The following TGM3 variants were observed in gnomAD, a reference collection of about 807,000 sequenced individuals.
TGM3 encodes the protein transglutaminase 3, also known as protein-glutamine gamma-glutamyltransferase E.
TGM3 carries 52 observed loss-of-function variants against 73.8 expected under a neutral mutation model. The observed-to-expected ratio is 0.70, with a 90% confidence interval of 0.56 to 0.89. The LOEUF is 0.89. TGM3 is among the 40% of genes least tolerant of loss of function. TGM3 has a pLI of 0.00. For synonymous variants in TGM3, 372 were observed against 354.9 expected (o/e 1.05, Z -0.54); for missense variants, 928 against 909.9 (o/e 1.02, Z -0.26).
intron 7 of TGM3, among the ~76,000 whole-genome samples, chr20:2,323,157 A>G (rs1034048069): frequency 9.2e-5 from 14 of 152,208 alleles, no homozygotes; most frequent in African/African-American, 3.4e-4. Context: ...TGTTGCACCC[A>G]TCTCCTGAGC....
chr20:2,330,058 AG>A (rs2084312048), intron 9 of TGM3, among the ~76,000 whole-genome samples: 1 of 151,290 alleles, frequency 6.6e-6, no homozygotes, highest in Non-Finnish European at 1.5e-5. Flanking sequence ...GGGGTGGGGG[AG>A]GGGGTCCCTG....
In TGM3 at chr20:2,339,889, CG is replaced by C; in HGVS notation, c.1837del (p.Val613CysfsTer13). 6.2e-7 allele frequency: 1 copy of C among 1,614,144 alleles called. No individual in the cohort carries two copies. Among genetic ancestry groups the C allele is most frequent in the Non-Finnish European group, 8.5e-7 (1 of 1,180,036 alleles). On this transcript the variant is annotated frameshift_variant, in exon 12 of 13. Transcript: ENST00000381458. LOFTEE classifies it high-confidence loss of function. ...NEARVRKPVN[V>X]QMLFSNPLDE... ...AGGCTCGTGTGCGGAAGCCTGTGAA[CG>C]TGCAGATGCTCTTCTCCAATCCACT...
At position 2,332,701 on chromosome 20, in the gene TGM3, A is replaced by C. The variant is rs2084328093; in HGVS notation, c.1642+391A>C. Among the ~76,000 whole-genome samples, 1 of 152,170 alleles carries C rather than the reference A, an allele frequency of 6.6e-6. No individual in the cohort carries two copies. The highest frequency in any genetic ancestry group is 1.5e-5 in the Non-Finnish European group (1 of 68,032). ...GGGAGAGATTTGTGACTTGCTTCGG[A>C]GATAAAGTATCATAGATAGTAGTGG... is the stretch of plus-strand genomic sequence containing the variant. On this transcript the variant is annotated intron_variant, in intron 10 of 12. Coordinates refer to ENST00000381458, the MANE Select transcript of TGM3 (RefSeq NM_003245.4). The surrounding 1 kb of genome is among the most constrained non-coding windows in gnomAD (Gnocchi z 4.4).
At chr20:2,309,098 C>T (rs1184439916) in intron 1 of TGM3, among the ~76,000 whole-genome samples, 1 of 152,322 alleles carries the variant, frequency 6.6e-6, no homozygotes, top group East Asian at 1.9e-4. Context: ...AGTCTGGTCT[C>T]AAACTCCTGA....
rs114432965 is a variant in TGM3, at chr20:2,328,883, T to A, written c.1333+518T>A. ...ATGAGGTGTGATTACATGGTGTGAA[T>A]GCCTGAGCTCCTGAAATCTCAGGCA... On this transcript the variant is annotated intron_variant, in intron 9 of 12. Coordinates refer to ENST00000381458, the MANE Select transcript of TGM3 (RefSeq NM_003245.4). This position sits in a 1 kb window ranked among gnomAD's most constrained non-coding sequence, Gnocchi z 5.2. Among the ~76,000 whole-genome samples, 97 of 152,348 alleles carry A rather than the reference T, an allele frequency of 6.4e-4. No individual in the cohort carries two copies. Among genetic ancestry groups the A allele is most frequent in the African/African-American group, 2.2e-3 (91 of 41,590 alleles).
intron 11 of TGM3, among the ~76,000 whole-genome samples, chr20:2,337,985 C>A (rs562845652): frequency 6.6e-6 from 1 of 152,306 alleles, no homozygotes; most frequent in East Asian, 1.9e-4. Context: ...TTCTTCGAGG[C>A]AAGTTCTTTC....
intron 11 of TGM3, among the ~76,000 whole-genome samples, chr20:2,339,093 T>G (rs980556127): frequency 1.3e-5 from 2 of 152,270 alleles, no homozygotes. Flanking sequence ...AGGGAACCTC[T>G]GGGCTCTAGA....
intron 1 of TGM3, among the ~76,000 whole-genome samples, chr20:2,296,387 C>A (rs1399710277): frequency 6.6e-6 from 1 of 152,156 alleles, no homozygotes; most frequent in East Asian, 1.9e-4. Context: ...TTCTTTTACA[C>A]ATCCGTCGCC....
In TGM3 at chr20:2,335,185, G is replaced by A. The variant is rs531290820; in HGVS notation, c.1712G>A (p.Arg571Gln). ...TACCTGAAGTCAGACAACATGATCC[G>A]GATCACAGCGGTGTGCAAGGTCCCA... is the stretch of plus-strand genomic sequence containing the variant. ...EKYLKSDNMI[R>Q]ITAVCKVPDE... The change falls in exon 11 of 13, where the codon CGG (arginine) becomes CAG (glutamine). Residue 571 changes from arginine to glutamine, a missense_variant. Arg to Gln is a conservative substitution (Grantham distance 43). Transcript: ENST00000381458. The A allele has an allele frequency of 1.0e-4, 167 of 1,614,246 alleles. 1 individual carries two copies. The highest frequency in any genetic ancestry group is 4.1e-4 in the South Asian group (37 of 91,090).
Position 2,334,998 on chromosome 20 carries a change from C to T in TGM3, c.1643-118C>T, listed in dbSNP as rs2084341118. 3.0e-6 allele frequency: 4 copies of T among 1,327,496 alleles called. No homozygotes were observed. Among genetic ancestry groups the T allele is most frequent in the South Asian group, 2.7e-5 (2 of 74,002 alleles). 82.2% of individuals were successfully genotyped at this position (1,327,496 alleles called of 1,614,324 possible). Reference sequence around the variant, plus strand: ...CTGGCCCAAGGAGGGCTCAGTCAAGCCCGGGGCTGCAGATCCTCCCACCAG... The same window carrying T: ...CTGGCCCAAGGAGGGCTCAGTCAAGTCCGGGGCTGCAGATCCTCCCACCAG... On this transcript the variant is annotated intron_variant, in intron 10 of 12. Transcript: ENST00000381458. The surrounding 1 kb of genome is among the most constrained non-coding windows in gnomAD (Gnocchi z 4.0).
intron 1 of TGM3, among the ~76,000 whole-genome samples, chr20:2,308,760 G>A (rs1012804459): frequency 6.6e-6 from 1 of 152,200 alleles, no homozygotes; most frequent in Admixed American, 6.5e-5. Flanking sequence ...GGATGCAAAA[G>A]TAAACATTTG....
At chr20:2,302,772 A>C (rs2084156197) in intron 1 of TGM3, among the ~76,000 whole-genome samples, 1 of 151,832 alleles carries the variant, frequency 6.6e-6, no homozygotes. Context: ...GTGCACATTC[A>C]TAGCAGCACT....
At chr20:2,340,377 G>T (rs139074717) in intron 12 of TGM3, 57 bp from the exon 13 acceptor site, 1 of 1,603,958 alleles carries the variant, frequency 6.2e-7, no homozygotes, top group Non-Finnish European at 8.5e-7. Flanking sequence ...CAGGAGGCCC[G>T]TCCAGCCCAA....
intron 1 of TGM3, among the ~76,000 whole-genome samples, chr20:2,306,447 T>C (rs2122214156): frequency 6.6e-6 from 1 of 151,570 alleles, no homozygotes; most frequent in Middle Eastern, 3.4e-3. Flanking sequence ...TTGAGAGGTC[T>C]TCTTTTTTCT....
In TGM3 at chr20:2,340,479, T is replaced by C. The variant is rs1431625807; in HGVS notation, c.1980T>C (p.Asp660=). Residue 660 remains aspartate, a synonymous_variant, in exon 13 of 13, where the codon GAT becomes GAC. Transcript: ENST00000381458. ...GPKEGSRVRF[D]ILPSRSGTKQ... Reference sequence around the variant, plus strand: ...AGGAGGGGTCCCGGGTCCGTTTTGATATCCTGCCCTCCCGGAGTGGCACCA... The same window carrying C: ...AGGAGGGGTCCCGGGTCCGTTTTGACATCCTGCCCTCCCGGAGTGGCACCA... The C allele has an allele frequency of 6.2e-7, 1 of 1,613,934 alleles. No individual in the cohort carries two copies. The highest frequency in any genetic ancestry group is 8.5e-7 in the Non-Finnish European group (1 of 1,179,964).
chr20:2,337,928 T>C (rs1164975443), intron 11 of TGM3, among the ~76,000 whole-genome samples: 1 of 152,230 alleles, frequency 6.6e-6, no homozygotes. Flanking sequence ...GTGCCATCAC[T>C]GACTCTTTTT....
intron 11 of TGM3, among the ~76,000 whole-genome samples, chr20:2,336,144 T>G (rs1407986404): frequency 1.3e-5 from 2 of 152,194 alleles, no homozygotes; most frequent in African/African-American, 4.8e-5. Flanking sequence ...CGTGCCACTC[T>G]GTGTCTTCCT....
At chr20:2,325,761 T>TGC (rs2084283681) in intron 7 of TGM3, 88 bp from the exon 8 acceptor site, 1 of 917,626 alleles carries the variant, frequency 1.1e-6, no homozygotes, top group Non-Finnish European at 1.8e-6. Flanking sequence ...GTTGTCATGC[T>TGC]GCACTGTTGG....
chr20:2,331,005 C>CAAAAAAAAAA (rs59627856), intron 9 of TGM3, among the ~76,000 whole-genome samples: 3 of 65,494 alleles, frequency 4.6e-5, no homozygotes, highest in African/African-American at 9.4e-5. Flanking sequence ...GACCCTGTCA[C>CAAAAAAAAAA]AAAAAAAAAA....
Sources: gnomAD v4.1 joint callset for allele counts (sites outside exome capture counted in the v4.1 genomes callset) on GRCh38, gnomAD v4.1.1 for gene constraint, Gnocchi (gnomAD v3.1) non-coding constraint, MANE v1.5 for transcripts, NCBI Gene and HGNC (gene_info 2026-07-23, HGNC 2026-07-21) for gene names.